PCDH15: variants seen among roughly 807,000 people sequenced by gnomAD.
PCDH15 encodes the protein protocadherin related 15.
Under a neutral mutation model 178.5 loss-of-function variants are expected in PCDH15, and 129 were observed. That is an observed-to-expected ratio of 0.72 (90% CI 0.63 to 0.84). The LOEUF is 0.84. Ranked by LOEUF, PCDH15 falls within the 40% of genes least tolerant of loss-of-function variation. The pLI is 0.00. For synonymous variants in PCDH15, 800 were observed against 732.0 expected (o/e 1.09, Z -1.50); for missense variants, 2,230 against 2,099.9 (o/e 1.06, Z -1.21).
intron 1 of PCDH15, among the ~76,000 whole-genome samples, chr10:54,769,475 A>G (rs1336195): frequency 1 from 150,703 of 151,242 alleles, 75,088 homozygotes; most frequent in Middle Eastern, 1. Context: ...GTGACTTTAA[A>G]GAAACCAGCA....
chr10:54,185,089 A>G lies in PCDH15; in HGVS notation c.1440+45T>C, dbSNP rs113815862. ...TTCAGTTCCATACAAACATACATACATACATTCATACATACATATGTATAT... is the reference window on the plus strand; with the variant it reads ...TTCAGTTCCATACAAACATACATACGTACATTCATACATACATATGTATAT... On this transcript the variant is annotated intron_variant, in intron 12 of 37. Transcript: ENST00000644397. 9 of 1,598,398 alleles carry G rather than the reference A, an allele frequency of 5.6e-6. No homozygotes were observed. The African/African-American group carries it at 1.2e-4, about 21-fold the overall frequency.
intron 2 of PCDH15, among the ~76,000 whole-genome samples, chr10:55,533,888 A>G (rs917187470): frequency 2.0e-5 from 3 of 152,088 alleles, no homozygotes; most frequent in Non-Finnish European, 4.4e-5. Context: ...ACAGATACAT[A>G]GACCAGTGGA....
chr10:53,936,081 G>T (rs1039434891), intron 25 of PCDH15, among the ~76,000 whole-genome samples: 1 of 152,066 alleles, frequency 6.6e-6, no homozygotes, highest in Non-Finnish European at 1.5e-5. Context: ...GAAAGAATAT[G>T]AAATGACCAC....
chr10:54,252,507 C>T (rs1259724571), intron 8 of PCDH15, among the ~76,000 whole-genome samples: 1 of 152,170 alleles, frequency 6.6e-6, no homozygotes, highest in Non-Finnish European at 1.5e-5. Flanking sequence ...ATGCTTTCCT[C>T]TGCATTAGAT....
At chr10:54,253,664 AT>A (rs942706763) in intron 8 of PCDH15, among the ~76,000 whole-genome samples, 4 of 152,130 alleles carry the variant, frequency 2.6e-5, no homozygotes, top group Admixed American at 2.6e-4. Context: ...ATTTCTTTTT[AT>A]AAATGCAATG....
chr10:55,531,743 C>T (rs913479627), intron 2 of PCDH15, among the ~76,000 whole-genome samples: 2 of 152,030 alleles, frequency 1.3e-5, no homozygotes, highest in African/African-American at 4.8e-5. Flanking sequence ...ATCATTCTCA[C>T]ATTCATGTCA....
At chr10:53,808,679 A>ACTG in intron 37 of PCDH15, 5 of 1,608,868 alleles carry the variant, frequency 3.1e-6, no homozygotes, top group Non-Finnish European at 4.2e-6. Flanking sequence ...ACTTCCACCT[A>ACTG]CTGTGATCTC....
intron 2 of PCDH15, among the ~76,000 whole-genome samples, chr10:55,496,750 A>T (rs1589082122): frequency 6.6e-6 from 1 of 152,020 alleles, no homozygotes; most frequent in South Asian, 2.1e-4. Context: ...TATATATGGT[A>T]ATCATACAAT....
At chr10:54,279,940 C>T (rs2058579005) in intron 8 of PCDH15, among the ~76,000 whole-genome samples, 1 of 151,626 alleles carries the variant, frequency 6.6e-6, no homozygotes, top group African/African-American at 2.4e-5. Context: ...AAATCGTTAG[C>T]TCATCAAAAC....
At chr10:55,511,345 G>A (rs1217027236) in intron 2 of PCDH15, among the ~76,000 whole-genome samples, 6 of 151,878 alleles carry the variant, frequency 4.0e-5, no homozygotes, top group African/African-American at 1.2e-4. Context: ...TATGTGCAAG[G>A]TAATGTAAGA....
intron 9 of PCDH15, among the ~76,000 whole-genome samples, chr10:54,233,650 T>A (rs2054307655): frequency 6.6e-6 from 1 of 152,198 alleles, no homozygotes; most frequent in African/African-American, 2.4e-5. Flanking sequence ...TCTAGCTGCT[T>A]TATGGAGTTG....
intron 1 of PCDH15, among the ~76,000 whole-genome samples, chr10:55,238,819 G>A (rs183159708): frequency 3.2e-4 from 48 of 152,130 alleles, no homozygotes; most frequent in Non-Finnish European, 4.3e-4. Flanking sequence ...CCAAATTAAG[G>A]TAACTGGGGT....
At chr10:55,560,227 GA>G (rs1029258527) in intron 2 of PCDH15, among the ~76,000 whole-genome samples, 2 of 151,802 alleles carry the variant, frequency 1.3e-5, no homozygotes, top group African/African-American at 4.8e-5. Flanking sequence ...CATAATGAAG[GA>G]AAAAATGCAG....
chr10:55,569,911 A>T (rs930599844), intron 2 of PCDH15, among the ~76,000 whole-genome samples: 3 of 152,010 alleles, frequency 2.0e-5, no homozygotes, highest in Non-Finnish European at 2.9e-5. Context: ...TACAATAATA[A>T]TAATTTAGAA....
At chr10:55,006,810 C>T (rs867438244) in intron 2 of PCDH15, among the ~76,000 whole-genome samples, 1 of 152,160 alleles carries the variant, frequency 6.6e-6, no homozygotes, top group Non-Finnish European at 1.5e-5. Flanking sequence ...TTTCAAATTT[C>T]CGTAAGGCCT....
intron 2 of PCDH15, among the ~76,000 whole-genome samples, chr10:55,609,357 T>C (rs4336940): frequency 0.33 from 50,219 of 152,008 alleles, 8,740 homozygotes; most frequent in East Asian, 0.49. Context: ...CCTTCAAACC[T>C]TGGTCTTTAT....
At chr10:55,382,912 C>G (rs1479117785) in intron 2 of PCDH15, among the ~76,000 whole-genome samples, 1 of 152,218 alleles carries the variant, frequency 6.6e-6, no homozygotes, top group African/African-American at 2.4e-5. Context: ...AGGCCCACAG[C>G]AGCATCTATG....
chr10:54,993,036 G>T (rs1220498426), intron 2 of PCDH15, among the ~76,000 whole-genome samples: 2 of 152,088 alleles, frequency 1.3e-5, no homozygotes, highest in African/African-American at 4.8e-5. Flanking sequence ...AGTATTGATA[G>T]ATCTTGACTG....
At chr10:55,386,652 TC>T (rs1474402125) in intron 2 of PCDH15, among the ~76,000 whole-genome samples, 2 of 152,058 alleles carry the variant, frequency 1.3e-5, no homozygotes, top group African/African-American at 4.8e-5. Flanking sequence ...AGCATGTCCA[TC>T]TCTAGGACTC....
Sources: allele counts gnomAD v4.1 joint callset (sites outside exome capture counted in the v4.1 genomes callset), GRCh38; gene constraint gnomAD v4.1.1; transcripts MANE v1.5; gene names NCBI Gene and HGNC (gene_info 2026-07-23, HGNC 2026-07-21).